The following DIPK2A variants were observed in gnomAD, a reference collection of about 807,000 sequenced individuals.
The protein encoded by DIPK2A is Golgi Protein of 49 kDa.
In DIPK2A, 27 loss-of-function variants were observed where a neutral mutation model predicts 39.0. The observed-to-expected ratio is 0.69, with a 90% confidence interval of 0.51 to 0.96. The LOEUF (loss-of-function observed/expected upper bound fraction) is 0.96. Among genes scored for constraint, DIPK2A ranks in the 40% least tolerant of loss-of-function variants. DIPK2A has a pLI of 0.00. For missense variants in DIPK2A, 528 were observed against 571.3 expected (o/e 0.92, Z 0.77); for synonymous variants, 298 against 240.8 (o/e 1.24, Z -2.20).
Position 143,991,366 on chromosome 3 carries a change from A to C in DIPK2A, c.*1525A>C, listed in dbSNP as rs975071889. On this transcript the variant is annotated 3_prime_UTR_variant, in exon 3 of 3. Transcript: ENST00000315691. ...ACTAGCTGCTACATACTGTCTGAACATGACATACGGTTAAGTAACTTTACA... is the reference window on the plus strand; with the variant it reads ...ACTAGCTGCTACATACTGTCTGAACCTGACATACGGTTAAGTAACTTTACA... 4 of 152,766 alleles carry C rather than the reference A, an allele frequency of 2.6e-5. No individual in the cohort carries two copies. Among genetic ancestry groups the C allele is most frequent in the Middle Eastern group, 3.4e-3 (1 of 294 alleles). The allele number at this position is 152,766 out of a possible 1,614,324, so 9.5% of individuals were successfully genotyped here.
chr3:143,972,875 C>G lies in DIPK2A; in HGVS notation c.543C>G (p.Arg181=). The G allele has an allele frequency of 6.3e-7, 1 of 1,576,630 alleles. No homozygotes were observed. Among genetic ancestry groups the G allele is most frequent in the Non-Finnish European group, 8.6e-7 (1 of 1,163,584 alleles). Residue 181 remains arginine (R), a synonymous_variant, in exon 1 of 3, where the codon CGC becomes CGG. Transcript: ENST00000315691. ...PSQRLLDRLV[R]RYAETKDSGS... is the part of the protein sequence containing the mutation. ...AGCGCCTTCTCGACCGCCTGGTGCG[C>G]CGCTACGCGGAGACCAAGGACTCGG...
chr3:143,984,020 T>TA (rs1358687477), intron 1 of DIPK2A, among the ~76,000 whole-genome samples: 1 of 152,246 alleles, frequency 6.6e-6, no homozygotes, highest in Non-Finnish European at 1.5e-5. Flanking sequence ...GCTTTTATCT[T>TA]ACGGTGATGA....
rs770775966 is a variant in DIPK2A at position 143,972,577 on chromosome 3, T to G, written c.245T>G (p.Leu82Arg). Reference sequence around the variant, plus strand: ...TTCGAGGCGTGGGGCCGCTTGCGCCTGCTGGACTTCCTCAACGTGAAGAAC... The same window carrying G: ...TTCGAGGCGTGGGGCCGCTTGCGCCGGCTGGACTTCCTCAACGTGAAGAAC... ...VVFEAWGRLR[L>R]LDFLNVKNVY... Residue 82 changes from leucine to arginine, a missense_variant, in exon 1 of 3, where the codon CTG becomes CGG. This residue lies in a region of DIPK2A where 309 missense variants were observed against 289.8 expected (regional missense o/e 1.07). Transcript: ENST00000315691. The G allele has an allele frequency of 1.2e-6, 2 of 1,612,252 alleles. No individual in the cohort carries two copies. The highest frequency in any genetic ancestry group is 3.3e-5 in the Admixed American group (2 of 60,012).
At chr3:143,985,476 G>T in intron 1 of DIPK2A, 67 bp from the exon 2 acceptor site, 1 of 1,332,876 alleles carries the variant, frequency 7.5e-7, no homozygotes, top group South Asian at 1.3e-5. Context: ...CTACTGAAAG[G>T]ATCTGAGGAT....
At chr3:143,973,987 CCTT>C (rs2087695281) in intron 1 of DIPK2A, among the ~76,000 whole-genome samples, 1 of 152,124 alleles carries the variant, frequency 6.6e-6, no homozygotes, top group African/African-American at 2.4e-5. Context: ...TGTGGTTTCT[CCTT>C]CTGTCTGCAG....
chr3:143,972,800 C>T lies in DIPK2A; in HGVS notation c.468C>T (p.Leu156=). The T allele has an allele frequency of 1.3e-6, 2 of 1,566,304 alleles. No individual in the cohort carries two copies. The highest frequency in any genetic ancestry group is 1.7e-6 in the Non-Finnish European group (2 of 1,159,694). Residue 156 remains leucine, a synonymous_variant, in exon 1 of 3, where the codon CTC becomes CTT. Transcript: ENST00000315691. ...FARLNGDVRL[L]TPEAVEGWSD... ...GCCTCAACGGCGACGTGCGTCTGCT[C>T]ACGCCCGAGGCGGTGGAGGGCTGGT... is the stretch of plus-strand genomic sequence containing the variant.
intron 1 of DIPK2A, among the ~76,000 whole-genome samples, chr3:143,985,176 A>C (rs1376332407): frequency 6.6e-6 from 1 of 152,242 alleles, no homozygotes; most frequent in Non-Finnish European, 1.5e-5. Flanking sequence ...CTATCAGTTT[A>C]AATAAAAGGA....
In DIPK2A at chr3:143,991,138, CTA is replaced by C. The variant is rs1014074018; in HGVS notation, c.*1299_*1300del. The C allele has an allele frequency of 2.0e-5, 3 of 152,624 alleles. No individual in the cohort carries two copies. The highest frequency in any genetic ancestry group is 4.4e-5 in the Non-Finnish European group (3 of 68,022). The allele number at this position is 152,624 out of a possible 1,614,324, so 9.5% of individuals were successfully genotyped here. A position where few individuals can be genotyped will look rare whatever the true frequency, so the allele number is the denominator to read the frequency against. ...TGTGTGGGCTCTTTATATAAGTTGA[CTA>C]TCACTAACAGGTAATATTTTTCTGT... On this transcript the variant is annotated 3_prime_UTR_variant, in exon 3 of 3. Transcript: ENST00000315691.
chr3:143,985,779 A>G lies in DIPK2A; in HGVS notation c.894A>G (p.Arg298=). ...TTGACAATTTTGCAGTTGGTCCTAG[A>G]GATGGGAAGGTAATCATTGTGGATG... ...VSFDNFAVGP[R]DGKVIIVDAE... is the part of the protein sequence containing the mutation. Residue 298 remains arginine (R), a synonymous_variant, in exon 2 of 3, where the codon AGA becomes AGG. Coordinates refer to ENST00000315691, the MANE Select transcript of DIPK2A (RefSeq NM_173552.5). 1.2e-6 allele frequency: 2 copies of G among 1,614,174 alleles called. No homozygotes were observed. Among genetic ancestry groups the G allele is most frequent in the Non-Finnish European group, 1.7e-6 (2 of 1,180,024 alleles).
chr3:143,976,230 T>C (rs1413219599), intron 1 of DIPK2A, among the ~76,000 whole-genome samples: 37 of 152,056 alleles, frequency 2.4e-4, no homozygotes, highest in Admixed American at 2.4e-3. Context: ...TTCTAAAAAA[T>C]GTTTATAAAC....
Position 143,985,627 on chromosome 3 carries a change from G to T in DIPK2A, c.742G>T (p.Glu248Ter). The change falls in exon 2 of 3, where the codon GAA (glutamate) becomes TAA (stop). Residue 248 changes from glutamate (E) to a stop codon, truncating the protein, a stop_gained. Coordinates refer to ENST00000315691, the MANE Select transcript of DIPK2A (RefSeq NM_173552.5). LOFTEE classifies it high-confidence loss of function. Reference protein sequence around the residue: ...RMVAVNYVGEELWSYFNAPWE... With the variant: ...RMVAVNYVGE ...GGTGGCTGTAAATTATGTTGGAGAAGAACTGTGGAGTTACTTTAATGCGCC... is the reference window on the plus strand; with the variant it reads ...GGTGGCTGTAAATTATGTTGGAGAATAACTGTGGAGTTACTTTAATGCGCC... 1.2e-6 allele frequency: 2 copies of T among 1,614,130 alleles called. No individual in the cohort carries two copies. Among genetic ancestry groups the T allele is most frequent in the South Asian group, 1.1e-5 (1 of 91,086 alleles).
At chr3:143,973,127 G>A (rs1402185637) in intron 1 of DIPK2A, 138 bp downstream of exon 1, 1 of 1,241,836 alleles carries the variant, frequency 8.1e-7, no homozygotes, top group Admixed American at 2.0e-5. Context: ...GTGGGAAGGG[G>A]CGTCTCCGGG....
At chr3:143,982,602 C>G (rs934122092) in intron 1 of DIPK2A, among the ~76,000 whole-genome samples, 2 of 152,054 alleles carry the variant, frequency 1.3e-5, no homozygotes, top group African/African-American at 4.8e-5. Flanking sequence ...GAAGGAAGCC[C>G]TGAATATGGA....
Position 143,991,369 on chromosome 3 carries a change from A to G in DIPK2A, c.*1528A>G, listed in dbSNP as rs2087985754. On this transcript the variant is annotated 3_prime_UTR_variant, in exon 3 of 3. Transcript: ENST00000315691. ...AGCTGCTACATACTGTCTGAACATGACATACGGTTAAGTAACTTTACAATT... is the reference window on the plus strand; with the variant it reads ...AGCTGCTACATACTGTCTGAACATGGCATACGGTTAAGTAACTTTACAATT... 1 of 152,656 alleles carries G rather than the reference A, an allele frequency of 6.6e-6. No homozygotes were observed. The highest frequency in any genetic ancestry group is 2.4e-5 in the African/African-American group (1 of 41,482). The allele number at this position is 152,656 out of a possible 1,614,324, so 9.5% of individuals were successfully genotyped here.
At chr3:143,985,514 C>T (rs890515012) in intron 1 of DIPK2A, 29 bp from the exon 2 acceptor site, 1 of 1,579,982 alleles carries the variant, frequency 6.3e-7, no homozygotes, top group Non-Finnish European at 8.7e-7. Context: ...ATCAGAATCT[C>T]TTGTAATATT....
chr3:143,973,667 C>A, intron 1 of DIPK2A: 1 of 802,344 alleles, frequency 1.2e-6, no homozygotes, highest in South Asian at 1.6e-5. Flanking sequence ...GCCAGACAGA[C>A]GTTTTCATCC....
In DIPK2A at chr3:143,992,190, C is replaced by A. The variant is rs528147904; in HGVS notation, c.*2349C>A. On this transcript the variant is annotated 3_prime_UTR_variant, in exon 3 of 3. Transcript: ENST00000315691. ...TTTTTAATCATTGCCCATTAATAGA[C>A]GCAGTAAAATATTTTTGAATCAGAC... 1 of 152,504 alleles carries A rather than the reference C, an allele frequency of 6.6e-6. No individual in the cohort carries two copies. Among genetic ancestry groups the A allele is most frequent in the Admixed American group, 6.6e-5 (1 of 15,266 alleles). 9.4% of individuals were successfully genotyped at this position (152,504 alleles called of 1,614,324 possible).
Position 143,988,147 on chromosome 3 carries a change from G to A in DIPK2A, c.962-1363G>A, listed in dbSNP as rs2087932070. Among the ~76,000 whole-genome samples the A allele has an allele frequency of 2.0e-5, 3 of 151,538 alleles. No individual in the cohort carries two copies. The South Asian group carries it at 6.2e-4, about 32-fold the overall frequency. On this transcript the variant is annotated intron_variant, in intron 2 of 2. Transcript: ENST00000315691. The stretch of plus-strand genomic sequence containing the variant: ...AGACAGGGTCTCTGTCACCCAGGCT[G>A]GAGTGCAGTGGTGTGATCACGGCTC...
intron 2 of DIPK2A, among the ~76,000 whole-genome samples, chr3:143,986,703 C>T (rs2087905879): frequency 8.0e-6 from 1 of 124,304 alleles, no homozygotes; most frequent in African/African-American, 3.1e-5. Context: ...CCAGCCTGGG[C>T]AACAGCGAGA....
Sources: gnomAD v4.1 joint callset for allele counts (sites outside exome capture counted in the v4.1 genomes callset) on GRCh38, gnomAD v4.1.1 for gene constraint, gnomAD v4.1.1 regional missense constraint, MANE v1.5 for transcripts, NCBI Gene and HGNC (gene_info 2026-07-23, HGNC 2026-07-21) for gene names.